CASKIN2: variants seen among roughly 807,000 people sequenced by gnomAD.
CASKIN2 encodes the protein CASK interacting protein 2.
CASKIN2 carries 41 observed loss-of-function variants against 107.1 expected under a neutral mutation model. The observed-to-expected ratio is 0.38, with a 90% CI of 0.30 to 0.50. The LOEUF (loss-of-function observed/expected upper bound fraction) is 0.50, where lower values mean the gene tolerates loss of function less well. Ranked by LOEUF, CASKIN2 falls within the 20% of genes least tolerant of loss-of-function variation. CASKIN2 has a pLI of 0.92. For missense variants in CASKIN2, 1,546 were observed against 1,657.4 expected, an observed-to-expected ratio of 0.93 and a Z score of 1.17; for synonymous variants, 724 against 705.6, an observed-to-expected ratio of 1.03 and a Z score of -0.41.
intron 1 of CASKIN2, among the ~76,000 whole-genome samples, chr17:75,514,942 G>A (rs1165142575): frequency 6.6e-6 from 1 of 152,168 alleles, no homozygotes. Context: ...CCACCGCAGA[G>A]AAGCTTACGT....
Position 75,502,359 on chromosome 17 carries a change from T to A in CASKIN2, c.2715A>T (p.Arg905=), listed in dbSNP as rs1431611840. Reference sequence around the variant, plus strand: ...AGGGGCCAGCAGGTTCACTCAGTGTTCGCCTTCGGGGCCCTGTGGCCCCTT... The same window carrying A: ...AGGGGCCAGCAGGTTCACTCAGTGTACGCCTTCGGGGCCCTGTGGCCCCTT... ...PKEGATGPRR[R]TLSEPAGPSE... Residue 905 remains arginine, a synonymous_variant, in exon 18 of 20, where the codon CGA becomes CGT. Coordinates refer to ENST00000321617, the MANE Select transcript of CASKIN2 (RefSeq NM_020753.5). This position sits in a 1 kb window ranked among gnomAD's most constrained non-coding sequence, Gnocchi z 4.3. 2.0e-6 allele frequency: 3 copies of A among 1,479,388 alleles called. No homozygotes were observed. Among genetic ancestry groups the A allele is most frequent in the Non-Finnish European group, 1.8e-6 (2 of 1,117,932 alleles). The allele number at this position is 1,479,388 out of a possible 1,614,324, so 91.6% of individuals were successfully genotyped here.
At chr17:75,512,272 A>G (rs1367879837) in intron 2 of CASKIN2, among the ~76,000 whole-genome samples, 1 of 152,212 alleles carries the variant, frequency 6.6e-6, no homozygotes, top group Non-Finnish European at 1.5e-5. Flanking sequence ...CTCCTGCCTC[A>G]GTCTGGTGGC....
rs1335140644 is a variant in CASKIN2, at chr17:75,500,935, G to A, written c.*145C>T. The A allele has an allele frequency of 2.4e-5, 18 of 735,176 alleles. No individual in the cohort carries two copies. Among genetic ancestry groups the A allele is most frequent in the African/African-American group, 1.0e-4 (6 of 57,206 alleles). 45.5% of individuals were successfully genotyped at this position (735,176 alleles called of 1,614,324 possible). ...CACAAGAGCTGTGGTGCCCACAGCC[G>A]CGGGCTGAGTGGGAAGGGGCCCTGC... On this transcript the variant is annotated 3_prime_UTR_variant, in exon 20 of 20. Transcript: ENST00000321617.
Position 75,505,192 on chromosome 17 carries a change from G to C in CASKIN2, c.931-119C>G, listed in dbSNP as rs928968547. 2.6e-6 allele frequency: 3 copies of C among 1,163,352 alleles called. No individual in the cohort carries two copies. The highest frequency in any genetic ancestry group is 2.5e-6 in the Non-Finnish European group (2 of 806,454). The allele number at this position is 1,163,352 out of a possible 1,614,324, so 72.1% of individuals were successfully genotyped here. ...CCAGCTCTTTCCCTACCCCTAAGGA[G>C]CTGGCCTCTGATGCCCACACTGGCC... On this transcript the variant is annotated intron_variant, in intron 10 of 19. Transcript: ENST00000321617. This position sits in a 1 kb window ranked among gnomAD's most constrained non-coding sequence, Gnocchi z 5.1.
Position 75,506,853 on chromosome 17 carries a change from G to T in CASKIN2, c.432C>A (p.Val144=), listed in dbSNP as rs1479955415. The T allele has an allele frequency of 1.2e-6, 2 of 1,612,442 alleles. No individual in the cohort carries two copies. The highest frequency in any genetic ancestry group is 1.7e-6 in the Non-Finnish European group (2 of 1,179,612). The stretch of plus-strand genomic sequence containing the variant: ...CCAGGGGCGTCTTCTTGGCCTTGTT[G>T]ACCAGGCATGGGTTGGACTGATGCT... ...LLQHQSNPCL[V]NKAKKTPLDL... is the part of the protein sequence containing the mutation. The change falls in exon 6 of 20, where the codon GTC becomes GTA. Residue 144 remains valine, a synonymous_variant. Transcript: ENST00000321617. This position sits in a 1 kb window ranked among gnomAD's most constrained non-coding sequence, Gnocchi z 4.8.
rs745537190 is a variant in CASKIN2, at chr17:75,502,693, G to A, written c.2381C>T (p.Pro794Leu). ...GCTTAGGCTGTGGGACCGGCGCTTA[G>A]GTCGAGGCGGGTCTGGGGGAGTGGC... is the stretch of plus-strand genomic sequence containing the variant. ...PPATPPDPPR[P>L]KRRSHSLSRP... Residue 794 changes from proline (P) to leucine (L), a missense_variant, in exon 18 of 20, where the codon CCT becomes CTT. This residue lies in a region of CASKIN2 where 1,311 missense variants were observed against 1,311.0 expected (regional missense o/e 1.00). Transcript: ENST00000321617. This position sits in a 1 kb window ranked among gnomAD's most constrained non-coding sequence, Gnocchi z 4.3. The A allele has an allele frequency of 6.3e-7, 1 of 1,593,024 alleles. No homozygotes were observed. The highest frequency in any genetic ancestry group is 2.3e-5 in the East Asian group (1 of 44,028).
In CASKIN2 at chr17:75,502,791, G is replaced by A. The variant is rs1231884710; in HGVS notation, c.2283C>T (p.Gly761=). ...GCCCTGGGGCCGGGCTAGAGGGTGA[G>A]CCCTGGGGGTACATAAAAACATAGG... is the stretch of plus-strand genomic sequence containing the variant. ...PPPYVFMYPQ[G]SPSSPAPGPP... The change falls in exon 18 of 20, where the codon GGC becomes GGT. Residue 761 remains glycine (G), a synonymous_variant. Coordinates refer to ENST00000321617, the MANE Select transcript of CASKIN2 (RefSeq NM_020753.5). This position sits in a 1 kb window ranked among gnomAD's most constrained non-coding sequence, Gnocchi z 4.3. 6.3e-7 allele frequency: 1 copy of A among 1,588,496 alleles called. No homozygotes were observed. The highest frequency in any genetic ancestry group is 1.3e-5 in the African/African-American group (1 of 74,110).
Position 75,501,902 on chromosome 17 carries a change from C to A in CASKIN2, c.3172G>T (p.Ala1058Ser). ...CAGGGCGGCACTGGAGGCTGCATGGCGGGGCTGGGAGCAAGGGGGGTTGGA... is the reference window on the plus strand; with the variant it reads ...CAGGGCGGCACTGGAGGCTGCATGGAGGGGCTGGGAGCAAGGGGGGTTGGA... ...GVPTPLAPSP[A>S]MQPPVPPCPG... The change falls in exon 18 of 20, where the codon GCC (alanine) becomes TCC (serine). Residue 1058 changes from alanine (A) to serine (S), a missense_variant. Physicochemically the swap from Ala to Ser is moderately conservative, Grantham distance 99 (BLOSUM62 1). Around this residue, in one of 6 missense-constraint regions of CASKIN2, gnomAD observed 1,311 missense variants for 1,311.0 expected, o/e 1.00. Transcript: ENST00000321617. 6.4e-7 allele frequency: 1 copy of A among 1,571,084 alleles called. No homozygotes were observed. Among genetic ancestry groups the A allele is most frequent in the Non-Finnish European group, 8.6e-7 (1 of 1,157,630 alleles).
chr17:75,505,943 GTCACA>G lies in CASKIN2; in HGVS notation c.727-19_727-15del. On this transcript the variant is annotated splice_polypyrimidine_tract_variant and intron_variant, in intron 8 of 19. Transcript: ENST00000321617. The surrounding 1 kb of genome is among the most constrained non-coding windows in gnomAD (Gnocchi z 5.1). ...GTCCACACCTCCCTGGGTGCACAGT[GTCACA>G]TGAGCACACGCTAAGCACTTTGACA... 6.2e-7 allele frequency: 1 copy of G among 1,607,462 alleles called. No homozygotes were observed. Among genetic ancestry groups the G allele is most frequent in the Non-Finnish European group, 8.5e-7 (1 of 1,174,832 alleles).
At position 75,505,466 on chromosome 17, in the gene CASKIN2, T is replaced by C; in HGVS notation, c.930+91A>G. On this transcript the variant is annotated intron_variant, in intron 10 of 19. Transcript: ENST00000321617. This position sits in a 1 kb window ranked among gnomAD's most constrained non-coding sequence, Gnocchi z 5.1. ...TTAAATGAGGGTGCATATAGAGACC[T>C]CAGAGCAGAACGTGGTAACATAGCA... The C allele has an allele frequency of 8.1e-7, 1 of 1,227,104 alleles. No individual in the cohort carries two copies. The highest frequency in any genetic ancestry group is 1.2e-5 in the South Asian group (1 of 82,492). The allele number at this position is 1,227,104 out of a possible 1,614,324, so 76.0% of individuals were successfully genotyped here.
In CASKIN2 at chr17:75,503,924, C is replaced by T. The variant is rs767565654; in HGVS notation, c.1506G>A (p.Gln502=). 6.2e-6 allele frequency: 10 copies of T among 1,612,818 alleles called. No homozygotes were observed. The South Asian group carries it at 1.1e-4, about 18-fold the overall frequency. The part of the protein sequence containing the change: ...QAIHNWLSEF[Q]LEGYTAHFLQ... ...GAAAGTGGGCAGTGTAGCCCTCCAG[C>T]TGGAACTCGCTTAGCCAGTTATGAA... The change falls in exon 15 of 20, where the codon CAG becomes CAA. Residue 502 remains glutamine (Q), a synonymous_variant. Transcript: ENST00000321617.
rs1277810708 is a variant in CASKIN2, at chr17:75,508,263, C to G, written c.117G>C (p.Arg39Ser). ...CAGCATCCTGGTAGTTCACGTTGAG[C>G]CTCTTTGTGGAGCCCAGGAGCTCTA... ...TKTKLLGSTKRLNVNYQDADG... is the reference protein window; with the variant it reads ...TKTKLLGSTKSLNVNYQDADG... Residue 39 changes from arginine to serine, a missense_variant, in exon 3 of 20, where the codon AGG (arginine) becomes AGC (serine). Around this residue, in one of 6 missense-constraint regions of CASKIN2, gnomAD observed 136 missense variants for 198.6 expected, o/e 0.68. Coordinates refer to ENST00000321617, the MANE Select transcript of CASKIN2 (RefSeq NM_020753.5). 6.2e-7 allele frequency: 1 copy of G among 1,613,904 alleles called. No homozygotes were observed. The highest frequency in any genetic ancestry group is 8.5e-7 in the Non-Finnish European group (1 of 1,179,896).
Position 75,507,020 on chromosome 17 carries a change from G to T in CASKIN2, c.354C>A (p.Pro118=). 1 of 1,613,156 alleles carries T rather than the reference G, an allele frequency of 6.2e-7. No individual in the cohort carries two copies. Among genetic ancestry groups the T allele is most frequent in the Non-Finnish European group, 8.5e-7 (1 of 1,179,942 alleles). ...GTCCATACTGTGCAGCCAGGTGCAG[G>T]GGGATCTGTCCGTCCAGCGAGGCGG... ...VNAASLDGQI[P]LHLAAQYGHY... The change falls in exon 5 of 20, where the codon CCC becomes CCA. Residue 118 remains proline (P), a synonymous_variant. Transcript: ENST00000321617.
At chr17:75,513,349 G>A (rs954423566) in intron 2 of CASKIN2, among the ~76,000 whole-genome samples, 3 of 152,180 alleles carry the variant, frequency 2.0e-5, no homozygotes, top group African/African-American at 7.2e-5. Context: ...GGAGGCTGAG[G>A]CAGGAGAATG....
intron 19 of CASKIN2, 141 bp from the exon 20 acceptor site, chr17:75,501,311 C>T (rs2053178769): frequency 1.7e-6 from 2 of 1,182,530 alleles, no homozygotes; most frequent in Admixed American, 2.4e-5. Context: ...ATGGTAGCCA[C>T]CAGGATTCCC....
Position 75,506,220 on chromosome 17 carries a change from C to G in CASKIN2, c.726+85G>C, listed in dbSNP as rs1487684429. Reference sequence around the variant, plus strand: ...CCCATGCAAAAACCACGCTGGAGTCCTCCGTCCCGTACCTCCCCAGCCAGT... The same window carrying G: ...CCCATGCAAAAACCACGCTGGAGTCGTCCGTCCCGTACCTCCCCAGCCAGT... On this transcript the variant is annotated intron_variant, in intron 8 of 19. Coordinates refer to ENST00000321617, the MANE Select transcript of CASKIN2 (RefSeq NM_020753.5). This position sits in a 1 kb window ranked among gnomAD's most constrained non-coding sequence, Gnocchi z 4.8. The G allele has an allele frequency of 8.2e-7, 1 of 1,219,578 alleles. No individual in the cohort carries two copies. The allele number at this position is 1,219,578 out of a possible 1,614,324, so 75.5% of individuals were successfully genotyped here.
intron 2 of CASKIN2, among the ~76,000 whole-genome samples, chr17:75,511,960 G>A (rs560469952): frequency 1.5e-4 from 23 of 152,326 alleles, no homozygotes; most frequent in African/African-American, 5.3e-4. Context: ...ACAGAAGAGG[G>A]GAGTGGCTGC....
chr17:75,501,597 G>A lies in CASKIN2; in HGVS notation c.3389C>T (p.Pro1130Leu), dbSNP rs1404212878. ...AGTCCCAGTGCTCTCAGGCCGTGGA[G>A]GAGGCACTGGGCGGGGGCCGAGCCG... Reference protein sequence around the residue: ...APRLGPRPVPPPRPESTGTVG... With the variant: ...APRLGPRPVPLPRPESTGTVG... Residue 1130 changes from proline (P) to leucine (L), a missense_variant, in exon 19 of 20, where the codon CCT becomes CTT. Physicochemically the swap from Pro to Leu is moderately conservative, Grantham distance 98 (BLOSUM62 -3). Around this residue, in one of 6 missense-constraint regions of CASKIN2, gnomAD observed 1,311 missense variants for 1,311.0 expected, o/e 1.00. Coordinates refer to ENST00000321617, the MANE Select transcript of CASKIN2 (RefSeq NM_020753.5). 1.9e-6 allele frequency: 3 copies of A among 1,607,616 alleles called. No homozygotes were observed. The highest frequency in any genetic ancestry group is 1.3e-5 in the African/African-American group (1 of 74,852).
In CASKIN2 at chr17:75,502,673, G is replaced by A. The variant is rs1162798039; in HGVS notation, c.2401C>T (p.Leu801=). 6.2e-7 allele frequency: 1 copy of A among 1,603,008 alleles called. No homozygotes were observed. The highest frequency in any genetic ancestry group is 1.7e-4 in the Middle Eastern group (1 of 6,048). The change falls in exon 18 of 20, where the codon CTA becomes TTA. Residue 801 remains leucine (L), a synonymous_variant. Transcript: ENST00000321617. The surrounding 1 kb of genome is among the most constrained non-coding windows in gnomAD (Gnocchi z 4.3). ...PPRPKRRSHS[L]SRPGPTEGDA... Reference sequence around the variant, plus strand: ...CCCTCTGTGGGGCCAGGGCGGCTTAGGCTGTGGGACCGGCGCTTAGGTCGA... The same window carrying A: ...CCCTCTGTGGGGCCAGGGCGGCTTAAGCTGTGGGACCGGCGCTTAGGTCGA...
Sources: allele counts gnomAD v4.1 joint callset (sites outside exome capture counted in the v4.1 genomes callset), GRCh38; gene constraint gnomAD v4.1.1; regional missense constraint gnomAD v4.1.1; non-coding constraint Gnocchi (gnomAD v3.1); transcripts MANE v1.5; gene names NCBI Gene and HGNC (gene_info 2026-07-23, HGNC 2026-07-21).